Variants in SLC25A20 observed in about 807,000 individuals in gnomAD.
SLC25A20 encodes solute carrier family 25 member 20.
Under a neutral mutation model 39.7 loss-of-function variants are expected in SLC25A20, and 29 were observed. The ratio of observed to expected loss-of-function variants is 0.73; its 90% CI spans 0.54 to 1.00. The LOEUF (loss-of-function observed/expected upper bound fraction) is 1.00, where lower values mean the gene tolerates loss of function less well. Ranked by LOEUF, SLC25A20 falls within the 50% of genes least tolerant of loss-of-function variation. The pLI is 0.00. For synonymous variants in SLC25A20, 103 were observed against 142.2 expected (o/e 0.72, Z 1.96); for missense variants, 333 against 379.9 (o/e 0.88, Z 1.03).
At chr3:48,885,462 G>A (rs1422538090) in intron 2 of SLC25A20, among the ~76,000 whole-genome samples, 2 of 152,128 alleles carry the variant, frequency 1.3e-5, no homozygotes, top group Non-Finnish European at 2.9e-5. Flanking sequence ...GACCTGGGAA[G>A]CAGTCAGTCC....
intron 1 of SLC25A20, among the ~76,000 whole-genome samples, chr3:48,893,122 G>A (rs571722365): frequency 1.3e-5 from 2 of 151,862 alleles, no homozygotes; most frequent in Admixed American, 6.6e-5. Flanking sequence ...TGACCTCCTG[G>A]GCTCATGCAA....
rs544101998 is a variant in SLC25A20, at chr3:48,861,025, C to T, written c.536-1398G>A. On this transcript the variant is annotated intron_variant, in intron 5 of 8. Coordinates refer to ENST00000319017, the MANE Select transcript of SLC25A20 (RefSeq NM_000387.6). ...TGTATTTTTAGTAGAGATGGGGTTT[C>T]ACCATATTGGTCAGGCTGGTCTTGA... 2.4e-4 allele frequency among the ~76,000 whole-genome samples: 37 copies of T among 151,516 alleles called. 1 individual carries two copies. In the East Asian group the frequency reaches 5.5e-3, roughly 23 times the overall value.
chr3:48,865,442 CA>C (rs1410720541), intron 4 of SLC25A20, among the ~76,000 whole-genome samples: 1 of 151,618 alleles, frequency 6.6e-6, no homozygotes, highest in Non-Finnish European at 1.5e-5. Flanking sequence ...AAATTTGAGT[CA>C]TCAGCATAAA....
intron 7 of SLC25A20, 45 bp downstream of exon 7, chr3:48,859,047 T>C (rs558919571): frequency 6.7e-7 from 1 of 1,495,154 alleles, no homozygotes; most frequent in East Asian, 2.3e-5. Flanking sequence ...TAGCCAGTGC[T>C]GGGGACCCAC....
intron 7 of SLC25A20, among the ~76,000 whole-genome samples, 192 bp from the exon 8 acceptor site, chr3:48,858,823 G>C (rs1351626290): frequency 6.6e-6 from 1 of 152,182 alleles, no homozygotes; most frequent in Non-Finnish European, 1.5e-5. Flanking sequence ...AGAAACGAGG[G>C]AAGAAGAATG....
intron 4 of SLC25A20, among the ~76,000 whole-genome samples, chr3:48,866,017 C>A (rs544080456): frequency 6.6e-6 from 1 of 151,940 alleles, no homozygotes; most frequent in South Asian, 2.1e-4. Flanking sequence ...GCCTGTAATC[C>A]CAGCTACTCG....
intron 6 of SLC25A20, 62 bp from the exon 7 acceptor site, chr3:48,859,263 C>A: frequency 6.8e-7 from 1 of 1,473,720 alleles, no homozygotes; most frequent in South Asian, 1.2e-5. Context: ...TTCAGACTAT[C>A]CTGCCTGTGG....
intron 4 of SLC25A20, among the ~76,000 whole-genome samples, chr3:48,876,780 GCT>G (rs1194554892): frequency 1.3e-5 from 2 of 151,746 alleles, no homozygotes; most frequent in African/African-American, 4.8e-5. Flanking sequence ...CACTCTAAGG[GCT>G]CTGAGATTCT....
At chr3:48,859,423 C>T in intron 6 of SLC25A20, 132 bp downstream of exon 6, 1 of 891,294 alleles carries the variant, frequency 1.1e-6, no homozygotes, top group South Asian at 1.3e-5. Context: ...GCTAGCTGGA[C>T]CTCAGCAGCC....
intron 2 of SLC25A20, among the ~76,000 whole-genome samples, chr3:48,888,308 A>G (rs1481374002): frequency 6.6e-6 from 1 of 151,362 alleles, no homozygotes; most frequent in Non-Finnish European, 1.5e-5. Context: ...GCAGTGGCTC[A>G]TGCCTGTAAT....
intron 2 of SLC25A20, among the ~76,000 whole-genome samples, chr3:48,888,644 A>G (rs1478386866): frequency 6.6e-6 from 1 of 152,028 alleles, no homozygotes; most frequent in Non-Finnish European, 1.5e-5. Flanking sequence ...TCTGCACCCA[A>G]GTCCTACAGG....
At chr3:48,871,309 GA>G (rs1411553151) in intron 4 of SLC25A20, among the ~76,000 whole-genome samples, 1 of 150,768 alleles carries the variant, frequency 6.6e-6, no homozygotes, top group African/African-American at 2.4e-5. Flanking sequence ...AAAGACAAAG[GA>G]GTAGAAAATT....
At chr3:48,878,962 C>G (rs1281697225) in intron 4 of SLC25A20, among the ~76,000 whole-genome samples, 1 of 151,952 alleles carries the variant, frequency 6.6e-6, no homozygotes, top group Non-Finnish European at 1.5e-5. Context: ...AACCTGTCTC[C>G]CGGGTTCAAG....
In SLC25A20 at chr3:48,857,698, C is replaced by A. The variant is rs2106637395; in HGVS notation, c.*12G>T. 1.2e-6 allele frequency: 2 copies of A among 1,613,100 alleles called. No homozygotes were observed. Among genetic ancestry groups the A allele is most frequent in the Middle Eastern group, 1.7e-4 (1 of 6,044 alleles). On this transcript the variant is annotated 3_prime_UTR_variant, in exon 9 of 9. Coordinates refer to ENST00000319017, the MANE Select transcript of SLC25A20 (RefSeq NM_000387.6). ...TCCAGCATCCAGAAGTGAACTTGAG[C>A]AGCCTTCAGCCTCACAAGTTGGGGG... is the stretch of plus-strand genomic sequence containing the variant.
intron 1 of SLC25A20, 41 bp from the exon 2 acceptor site, chr3:48,892,113 G>C (rs748861840): frequency 1.3e-6 from 2 of 1,495,954 alleles, no homozygotes; most frequent in Non-Finnish European, 9.3e-7. Flanking sequence ...ACCAGAATCA[G>C]AACTGCCTGT....
intron 1 of SLC25A20, among the ~76,000 whole-genome samples, chr3:48,895,072 G>A (rs565283742): frequency 1.1e-4 from 17 of 152,174 alleles, no homozygotes; most frequent in African/African-American, 2.9e-4. Flanking sequence ...GCAATGGTGC[G>A]ATCTGGGCTC....
rs780005731 is a variant in SLC25A20 at position 48,858,554 on chromosome 3, A to C, written c.796T>G (p.Tyr266Asp). The C allele has an allele frequency of 3.1e-6, 5 of 1,614,158 alleles. No homozygotes were observed. Among genetic ancestry groups the C allele is most frequent in the Non-Finnish European group, 4.2e-6 (5 of 1,180,026 alleles). Residue 266 changes from tyrosine to aspartate, a missense_variant, in exon 8 of 9, where the codon TAC becomes GAC. Tyr to Asp is a radical substitution (Grantham distance 160). Transcript: ENST00000319017. ...ATCATCACTGCATTGAACCCTTTGTACAAGGATGTGACTCCTTCATCCCGG... is the reference window on the plus strand; with the variant it reads ...ATCATCACTGCATTGAACCCTTTGTCCAAGGATGTGACTCCTTCATCCCGG... ...LIRDEGVTSLYKGFNAVMIRA... is the reference protein window; with the variant it reads ...LIRDEGVTSLDKGFNAVMIRA...
At chr3:48,893,879 G>C (rs975142444) in intron 1 of SLC25A20, among the ~76,000 whole-genome samples, 46 of 148,236 alleles carry the variant, frequency 3.1e-4, no homozygotes, top group Admixed American at 2.0e-4. Flanking sequence ...AAAAAAAGGA[G>C]GCCAGGCGCG....
rs1355068365 is a variant in SLC25A20 at position 48,876,410 on chromosome 3, T to G, written c.417+2948A>C. Among the ~76,000 whole-genome samples the G allele has an allele frequency of 2.6e-5, 4 of 152,068 alleles. No homozygotes were observed. In the East Asian group the frequency reaches 7.8e-4, roughly 30 times the overall value. ...ACAATTCCATTCATATAACATTGTT[T>G]TTCTGTTTTGTTTTGTTTTTCTTTT... On this transcript the variant is annotated intron_variant, in intron 4 of 8. Coordinates refer to ENST00000319017, the MANE Select transcript of SLC25A20 (RefSeq NM_000387.6).
Sources: gnomAD v4.1 joint callset for allele counts (sites outside exome capture counted in the v4.1 genomes callset) on GRCh38, gnomAD v4.1.1 for gene constraint, MANE v1.5 for transcripts, NCBI Gene and HGNC (gene_info 2026-07-23, HGNC 2026-07-21) for gene names.